The following MDFIC variants were observed in gnomAD, a reference collection of about 807,000 sequenced individuals.
MDFIC encodes MyoD family inhibitor domain containing.
Under a neutral mutation model 23.2 loss-of-function variants are expected in MDFIC, and 17 were observed. The observed-to-expected ratio is 0.73, with a 90% CI of 0.50 to 1.10. The LOEUF (loss-of-function observed/expected upper bound fraction) is 1.10. Ranked by LOEUF, MDFIC falls within the 50% of genes least tolerant of loss-of-function variation. MDFIC has a pLI of 0.00. For missense variants in MDFIC, 356 were observed against 316.6 expected (o/e 1.12, Z -0.95); for synonymous variants, 120 against 115.2 (o/e 1.04, Z -0.27).
At chr7:115,004,676 G>T (rs1043312123) in intron 4 of MDFIC, among the ~76,000 whole-genome samples, 1 of 152,150 alleles carries the variant, frequency 6.6e-6, no homozygotes, top group Non-Finnish European at 1.5e-5. Context: ...AACCATGAAG[G>T]CATTGTCTCC....
chr7:114,990,503 C>T (rs987529255), intron 4 of MDFIC, among the ~76,000 whole-genome samples: 4 of 152,184 alleles, frequency 2.6e-5, no homozygotes, highest in Admixed American at 1.3e-4. Context: ...CTCCCCTCTG[C>T]CTGCCCCACG....
At chr7:115,004,312 C>A (rs750612724) in intron 4 of MDFIC, among the ~76,000 whole-genome samples, 1 of 152,152 alleles carries the variant, frequency 6.6e-6, no homozygotes, top group Non-Finnish European at 1.5e-5. Context: ...TCCAGTTGGG[C>A]GTGGTGACTC....
In MDFIC at chr7:114,952,506, T is replaced by G. The variant is rs192638053; in HGVS notation, c.217+10109T>G. Among the ~76,000 whole-genome samples, 17 of 152,246 alleles carry G rather than the reference T, an allele frequency of 1.1e-4. No individual in the cohort carries two copies. The South Asian group carries it at 2.1e-3, about 19-fold the overall frequency. On this transcript the variant is annotated intron_variant, in intron 3 of 4. Coordinates refer to ENST00000393486, the MANE Select transcript of MDFIC (RefSeq NM_001166345.3). ...AAAAGCTGGATTTTTTCCAGGTCCC[T>G]GAGTTCTGCAGCAAGATACACAAAA...
intron 4 of MDFIC, among the ~76,000 whole-genome samples, chr7:115,010,681 A>G (rs1391148251): frequency 6.6e-6 from 1 of 152,222 alleles, no homozygotes; most frequent in Non-Finnish European, 1.5e-5. Flanking sequence ...ACTTTGTTTT[A>G]AAACAATGTC....
intron 4 of MDFIC, among the ~76,000 whole-genome samples, chr7:115,007,265 C>A (rs1407282418): frequency 6.6e-6 from 1 of 152,172 alleles, no homozygotes; most frequent in African/African-American, 2.4e-5. Flanking sequence ...ATCTTCACTG[C>A]TGTCACAGTA....
chr7:114,954,940 A>G (rs1054442883), intron 3 of MDFIC, among the ~76,000 whole-genome samples: 6 of 151,860 alleles, frequency 4.0e-5, no homozygotes, highest in Non-Finnish European at 7.4e-5. Flanking sequence ...TCTATAGTTC[A>G]TGTTGACTCC....
At chr7:115,012,732 C>G (rs1216432487) in intron 4 of MDFIC, among the ~76,000 whole-genome samples, 1 of 152,092 alleles carries the variant, frequency 6.6e-6, no homozygotes, top group Non-Finnish European at 1.5e-5. Context: ...AATCCCAGCA[C>G]TTCGGGAGGC....
intron 2 of MDFIC, among the ~76,000 whole-genome samples, chr7:114,933,289 C>G (rs976188415): frequency 7.1e-6 from 1 of 140,732 alleles, no homozygotes; most frequent in Admixed American, 7.6e-5. Flanking sequence ...GACGGAGTCT[C>G]ACTCTGTCAT....
chr7:115,001,363 G>A (rs1332597476), intron 4 of MDFIC, among the ~76,000 whole-genome samples: 2 of 152,082 alleles, frequency 1.3e-5, no homozygotes, highest in Middle Eastern at 3.2e-3. Context: ...GGAGGAACTG[G>A]ACCTCTTGGG....
intron 3 of MDFIC, among the ~76,000 whole-genome samples, chr7:114,961,836 A>G (rs1585104068): frequency 6.6e-6 from 1 of 152,268 alleles, no homozygotes; most frequent in South Asian, 2.1e-4. Flanking sequence ...CGCTCCTACA[A>G]CACTGGAGAT....
rs1416011908 is a variant in MDFIC at position 115,016,635 on chromosome 7, A to C, written c.*700A>C. The C allele has an allele frequency of 6.7e-6, 1 of 149,764 alleles. No individual in the cohort carries two copies. Among genetic ancestry groups the C allele is most frequent in the Non-Finnish European group, 1.4e-5 (1 of 70,496 alleles). 9.3% of individuals were successfully genotyped at this position (149,764 alleles called of 1,614,324 possible). A position where few individuals can be genotyped will look rare whatever the true frequency, so the allele number is the denominator to read the frequency against. ...ACTCCAGCCTGGGCAACAGAGCGAG[A>C]CTCCATCTCTAAATAAATAAATAAA... On this transcript the variant is annotated 3_prime_UTR_variant, in exon 5 of 5. Coordinates refer to ENST00000393486, the MANE Select transcript of MDFIC (RefSeq NM_001166345.3).
At chr7:114,984,756 CT>C (rs1793480393) in intron 4 of MDFIC, among the ~76,000 whole-genome samples, 1 of 152,142 alleles carries the variant, frequency 6.6e-6, no homozygotes, top group Non-Finnish European at 1.5e-5. Flanking sequence ...CTCAAAGACA[CT>C]TTTCTTATAG....
At chr7:114,956,325 A>C (rs190569100) in intron 3 of MDFIC, among the ~76,000 whole-genome samples, 54 of 151,384 alleles carry the variant, frequency 3.6e-4, no homozygotes, top group African/African-American at 1.3e-3. Flanking sequence ...TCTTGGGCTT[A>C]ATACATAAAT....
At chr7:114,973,254 G>A (rs1563146093) in intron 3 of MDFIC, among the ~76,000 whole-genome samples, 1 of 151,970 alleles carries the variant, frequency 6.6e-6, no homozygotes, top group Non-Finnish European at 1.5e-5. Flanking sequence ...ATTCCCTATG[G>A]AACAGTAGGA....
chr7:114,972,141 G>A (rs1793217403), intron 3 of MDFIC, among the ~76,000 whole-genome samples: 1 of 152,044 alleles, frequency 6.6e-6, no homozygotes, highest in Non-Finnish European at 1.5e-5. Flanking sequence ...GGGAGGGAAT[G>A]TTTAGGGTAA....
chr7:114,989,814 C>T (rs766550895), intron 4 of MDFIC, among the ~76,000 whole-genome samples: 16 of 152,270 alleles, frequency 1.1e-4, no homozygotes, highest in Non-Finnish European at 1.8e-4. Context: ...CCTACTCCTA[C>T]GTCATTCCAT....
intron 2 of MDFIC, among the ~76,000 whole-genome samples, chr7:114,928,619 A>G (rs1243228782): frequency 2.0e-5 from 3 of 152,202 alleles, no homozygotes; most frequent in Non-Finnish European, 4.4e-5. Flanking sequence ...GGGTCGGAGA[A>G]CAAGATAGCC....
chr7:114,956,296 G>T (rs192352826), intron 3 of MDFIC, among the ~76,000 whole-genome samples: 2 of 151,960 alleles, frequency 1.3e-5, no homozygotes, highest in African/African-American at 4.8e-5. Flanking sequence ...CATCTTTGTT[G>T]TGCTAAATTC....
At chr7:115,004,512 G>A (rs568335057) in intron 4 of MDFIC, among the ~76,000 whole-genome samples, 13 of 152,320 alleles carry the variant, frequency 8.5e-5, no homozygotes, top group African/African-American at 2.4e-4. Context: ...CTACCAGCAC[G>A]ATGTGTTTGT....
Sources: gnomAD v4.1 joint callset for allele counts (sites outside exome capture counted in the v4.1 genomes callset) on GRCh38, gnomAD v4.1.1 for gene constraint, MANE v1.5 for transcripts, NCBI Gene and HGNC (gene_info 2026-07-23, HGNC 2026-07-21) for gene names.